Variants in PHEX observed in about 807,000 individuals in gnomAD.
The protein encoded by PHEX is phosphate-regulating neutral endopeptidase PHEX.
PHEX carries 16 observed loss-of-function variants against 68.0 expected under a neutral mutation model. The ratio of observed to expected loss-of-function variants is 0.24; its 90% CI spans 0.16 to 0.36. The LOEUF is 0.36. PHEX is among the 10% of genes least tolerant of loss of function. The probability of loss-of-function intolerance (pLI) is 1.00; values close to 1 mark genes in which losing one functional copy is unlikely to be tolerated. For missense variants in PHEX, 480 were observed against 575.5 expected, an observed-to-expected ratio of 0.83 and a Z score of 1.70; for synonymous variants, 208 against 205.1, an observed-to-expected ratio of 1.01 and a Z score of -0.12.
intron 3 of PHEX, among the ~76,000 whole-genome samples, chrX:22,074,525 G>GT (rs774569556): frequency 4.6e-4 from 51 of 110,052 alleles, no homozygotes; most frequent in Non-Finnish European, 9.1e-4. Context: ...AATGCTTTTA[G>GT]TTTTTTTTGC....
intron 3 of PHEX, among the ~76,000 whole-genome samples, chrX:22,068,083 C>T (rs1928693938): frequency 9.0e-6 from 1 of 111,192 alleles, no homozygotes; most frequent in African/African-American, 3.3e-5. Flanking sequence ...GGTGATCCGC[C>T]TGCCTCTACC....
intron 3 of PHEX, among the ~76,000 whole-genome samples, chrX:22,050,087 A>G (rs1401193519): frequency 8.9e-6 from 1 of 112,355 alleles, no homozygotes; most frequent in Non-Finnish European, 1.9e-5. Flanking sequence ...ACAGTCGAAT[A>G]GTTGCAATGG....
chrX:22,247,916 C>T lies in PHEX; in HGVS notation c.2213C>T (p.Thr738Met), dbSNP rs371825581. 3.3e-5 allele frequency: 40 copies of T among 1,207,160 alleles called. No individual in the cohort carries two copies. Among genetic ancestry groups the T allele is most frequent in the South Asian group, 5.3e-5 (3 of 56,769 alleles). Residue 738 changes from threonine to methionine, a missense_variant, in exon 22 of 22, where the codon ACG (threonine) becomes ATG (methionine). Thr to Met is a moderately conservative substitution (Grantham distance 81, BLOSUM62 -1). Transcript: ENST00000379374. Reference sequence around the variant, plus strand: ...GCTTTTAACTGTCCACCCAATTCCACGATGAACAGAGGCATGGACTCCTGC... The same window carrying T: ...GCTTTTAACTGTCCACCCAATTCCATGATGAACAGAGGCATGGACTCCTGC... The part of the protein sequence containing the change: ...QKAFNCPPNS[T>M]MNRGMDSCRL...
At chrX:22,071,820 G>A (rs1389369636) in intron 3 of PHEX, among the ~76,000 whole-genome samples, 2 of 112,683 alleles carry the variant, frequency 1.8e-5, no homozygotes, top group Admixed American at 1.9e-4. Context: ...AACTGTCACC[G>A]GGCGCGGTGG....
Position 22,241,682 on chromosome X carries a change from A to G in PHEX, c.2071-3651A>G, listed in dbSNP as rs751650142. On this transcript the variant is annotated intron_variant, in intron 20 of 21. Transcript: ENST00000379374. ...AAACTAGAAAATCTAGAAGAAATGGATAAATTCCTGGGCACATACACCCTC... is the reference window on the plus strand; with the variant it reads ...AAACTAGAAAATCTAGAAGAAATGGGTAAATTCCTGGGCACATACACCCTC... Among the ~76,000 whole-genome samples the G allele has an allele frequency of 9.8e-5, 11 of 112,357 alleles. No individual in the cohort carries two copies. The East Asian group carries it at 2.8e-3, about 28-fold the overall frequency.
chrX:22,053,423 A>G (rs1283355252), intron 3 of PHEX, among the ~76,000 whole-genome samples: 1 of 111,671 alleles, frequency 9.0e-6, no homozygotes, highest in Non-Finnish European at 1.9e-5. Context: ...GGCTTTGTGA[A>G]TTTTTTTCTT....
chrX:22,107,992 C>T (rs1930777856), intron 9 of PHEX, among the ~76,000 whole-genome samples: 1 of 112,052 alleles, frequency 8.9e-6, no homozygotes, highest in African/African-American at 3.2e-5. Context: ...CCTGTGTTCC[C>T]AGCTGGACTT....
rs781554734 is a variant in PHEX at position 22,085,942 on chromosome X, C to A, written c.664-4487C>A. On this transcript the variant is annotated intron_variant, in intron 5 of 21. Coordinates refer to ENST00000379374, the MANE Select transcript of PHEX (RefSeq NM_000444.6). ...TTGCAGTCTCCCTCTCCCTTTAGAT[C>A]TGTTAATATTTGCTTTATATACTTA... Among the ~76,000 whole-genome samples, 11 of 111,899 alleles carry A rather than the reference C, an allele frequency of 9.8e-5. 1 individual carries two copies. The highest frequency in any genetic ancestry group is 3.6e-4 in the African/African-American group (11 of 30,813).
At chrX:22,160,221 A>C (rs1933073782) in intron 12 of PHEX, among the ~76,000 whole-genome samples, 1 of 111,750 alleles carries the variant, frequency 8.9e-6, no homozygotes, top group Non-Finnish European at 1.9e-5. Context: ...GGAAGAGCAA[A>C]GTCATATCTT....
chrX:22,171,834 G>A (rs1479694392), intron 13 of PHEX: 3 of 111,641 alleles, frequency 2.7e-5, no homozygotes, highest in South Asian at 3.8e-4. Context: ...CTGGTAATAC[G>A]AGCTCTGAGC....
intron 3 of PHEX, among the ~76,000 whole-genome samples, chrX:22,058,272 G>A (rs1252565302): frequency 1.8e-5 from 2 of 112,089 alleles, no homozygotes; most frequent in African/African-American, 3.2e-5. Flanking sequence ...TTCTTATCTG[G>A]TGATACTGTT....
intron 15 of PHEX, among the ~76,000 whole-genome samples, chrX:22,193,356 C>T (rs1262406485): frequency 1.8e-5 from 2 of 111,057 alleles, no homozygotes; most frequent in African/African-American, 6.5e-5. Context: ...TAATATGTGC[C>T]TACGACGCCC....
At chrX:22,112,090 G>C (rs1485096052) in intron 10 of PHEX, among the ~76,000 whole-genome samples, 1 of 111,746 alleles carries the variant, frequency 8.9e-6, no homozygotes, top group African/African-American at 3.3e-5. Context: ...CTCCAATTTA[G>C]TTTTCTTGCT....
intron 12 of PHEX, among the ~76,000 whole-genome samples, chrX:22,163,906 C>T (rs1390078031): frequency 1.8e-5 from 2 of 111,888 alleles, no homozygotes; most frequent in Admixed American, 1.9e-4. Context: ...ACCAGCAAGA[C>T]ATTTAATACA....
intron 15 of PHEX, among the ~76,000 whole-genome samples, chrX:22,207,605 C>T (rs1043157254): frequency 9.1e-6 from 1 of 110,064 alleles, no homozygotes; most frequent in African/African-American, 3.3e-5. Flanking sequence ...AATAAGAAAA[C>T]AAATAAATAA....
In PHEX at chrX:22,203,219, G is replaced by T. The variant is rs144148994; in HGVS notation, c.1646-9685G>T. On this transcript the variant is annotated intron_variant, in intron 15 of 21. Coordinates refer to ENST00000379374, the MANE Select transcript of PHEX (RefSeq NM_000444.6). The stretch of plus-strand genomic sequence containing the variant: ...TAAAGGGTGGCAGGGGTGAAGGGAG[G>T]TTCTCTTTGTTGCAGCCTAAAGGTA... 1.3e-3 allele frequency among the ~76,000 whole-genome samples: 146 copies of T among 110,815 alleles called. 2 individuals are homozygous for T. The East Asian group carries it at 0.03, about 23-fold the overall frequency.
chrX:22,147,947 G>A (rs1411770132), intron 12 of PHEX, among the ~76,000 whole-genome samples: 2 of 106,662 alleles, frequency 1.9e-5, no homozygotes, highest in Non-Finnish European at 3.9e-5. Context: ...TGAAAGGCCC[G>A]AGGAACAGAG....
At chrX:22,104,630 AC>A (rs1319148342) in intron 9 of PHEX, among the ~76,000 whole-genome samples, 1 of 111,666 alleles carries the variant, frequency 9.0e-6, no homozygotes, top group Non-Finnish European at 1.9e-5. Context: ...GGCAACCTTT[AC>A]TAGCACATCA....
At chrX:22,103,021 G>A (rs1328521181) in intron 9 of PHEX, among the ~76,000 whole-genome samples, 1 of 112,017 alleles carries the variant, frequency 8.9e-6, no homozygotes, top group Non-Finnish European at 1.9e-5. Context: ...CTTTACAGAT[G>A]AGGAAGCTGA....
Sources: allele counts gnomAD v4.1 joint callset (sites outside exome capture counted in the v4.1 genomes callset), GRCh38; gene constraint gnomAD v4.1.1; transcripts MANE v1.5; gene names NCBI Gene and HGNC (gene_info 2026-07-23, HGNC 2026-07-21).